Variants in POLR3G observed in about 807,000 individuals in gnomAD.
POLR3G encodes the protein DNA-directed RNA polymerase III subunit RPC7.
Under a neutral mutation model 30.1 loss-of-function variants are expected in POLR3G, and 28 were observed. The observed-to-expected ratio is 0.93, with a 90% CI of 0.69 to 1.27. The LOEUF (loss-of-function observed/expected upper bound fraction) is 1.27. Among genes scored for constraint, POLR3G ranks in the 50% most tolerant of loss-of-function variants. The pLI is 0.00. For missense variants in POLR3G, 254 were observed against 264.6 expected (o/e 0.96, Z 0.28); for synonymous variants, 79 against 82.5 (o/e 0.96, Z 0.23).
intron 6 of POLR3G, among the ~76,000 whole-genome samples, chr5:90,503,483 A>AATT (rs1752349253): frequency 6.6e-6 from 1 of 152,172 alleles, no homozygotes. Context: ...GCTATTCTAA[A>AATT]AGCTTCCTGG....
At chr5:90,487,378 A>ATTTTTTTTTTTTTTTTTTTTTTTTT (rs59951999) in intron 2 of POLR3G, among the ~76,000 whole-genome samples, 1 of 57,020 alleles carries the variant, frequency 1.8e-5, no homozygotes, top group African/African-American at 7.9e-5. Flanking sequence ...TGGTACATTA[A>ATTTTTTTTTTTTTTTTTTTTTTTTT]TTTTTTTTTT....
chr5:90,475,834 C>T (rs1750782419), intron 1 of POLR3G, among the ~76,000 whole-genome samples: 1 of 152,194 alleles, frequency 6.6e-6, no homozygotes, highest in African/African-American at 2.4e-5. Flanking sequence ...GCTTCAGCCT[C>T]CCGAGGAGCT....
chr5:90,475,357 G>T (rs1003498030), intron 1 of POLR3G, among the ~76,000 whole-genome samples: 3 of 152,064 alleles, frequency 2.0e-5, no homozygotes, highest in Non-Finnish European at 4.4e-5. Flanking sequence ...TTGCAGCTGA[G>T]GACCGACTAT....
At chr5:90,489,009 A>C (rs956929951) in intron 3 of POLR3G, among the ~76,000 whole-genome samples, 1 of 152,178 alleles carries the variant, frequency 6.6e-6, no homozygotes, top group African/African-American at 2.4e-5. Context: ...TCTCAAAACA[A>C]CATCATTAAA....
chr5:90,474,547 G>A (rs1007079674), upstream of POLR3G: 8 of 516,466 alleles, frequency 1.5e-5, no homozygotes, highest in Non-Finnish European at 2.7e-5. Flanking sequence ...CCAGCACGGG[G>A]GCGCAGGAGC....
At chr5:90,490,191 C>T (rs1035889596) in intron 3 of POLR3G, among the ~76,000 whole-genome samples, 1 of 150,044 alleles carries the variant, frequency 6.7e-6, no homozygotes, top group African/African-American at 2.5e-5. Context: ...TGTTGTTGGT[C>T]TATGGGAGTG....
At chr5:90,474,320 T>C, upstream of POLR3G, 1 of 1,602,366 alleles carries the variant, frequency 6.2e-7, no homozygotes, top group Non-Finnish European at 8.5e-7. Context: ...CCAGGCGGGG[T>C]GAGTGTGGGC....
chr5:90,487,378 A>ATTTTTTTT lies in POLR3G; in HGVS notation c.118-600_118-593dup, dbSNP rs59951999. 9.1e-4 allele frequency among the ~76,000 whole-genome samples: 52 copies of ATTTTTTTT among 57,030 alleles called. 4 individuals carry two copies. Among genetic ancestry groups the ATTTTTTTT allele is most frequent in the African/African-American group, 2.0e-3 (25 of 12,636 alleles). 37.4% of individuals were successfully genotyped at this position (57,030 alleles called of 152,430 possible). A position where few individuals can be genotyped will look rare whatever the true frequency, so the allele number is the denominator to read the frequency against. ...TTTTCTTTTTTTTTTTGGTACATTA[A>ATTTTTTTT]TTTTTTTTTTTTTTTTTTTTTTTTT... On this transcript the variant is annotated intron_variant, in intron 2 of 7. Transcript: ENST00000651687.
chr5:90,480,228 A>C (rs910438535), intron 1 of POLR3G, among the ~76,000 whole-genome samples: 2 of 152,206 alleles, frequency 1.3e-5, no homozygotes, highest in Non-Finnish European at 2.9e-5. Context: ...GGAATGAGAC[A>C]GTGGTTAACT....
intron 1 of POLR3G, among the ~76,000 whole-genome samples, chr5:90,476,598 A>G (rs552651476): frequency 9.2e-5 from 14 of 152,278 alleles, no homozygotes; most frequent in Admixed American, 2.6e-4. Context: ...AAATGGAGTG[A>G]TATCTCTACC....
intron 1 of POLR3G, among the ~76,000 whole-genome samples, chr5:90,478,394 C>A (rs1750943804): frequency 3.3e-5 from 5 of 151,974 alleles, no homozygotes. Context: ...TTAAAAAAGT[C>A]TTCTAACCAG....
At chr5:90,488,288 A>G (rs924467893) in intron 3 of POLR3G, among the ~76,000 whole-genome samples, 159 bp downstream of exon 3, 3 of 152,210 alleles carry the variant, frequency 2.0e-5, no homozygotes, top group South Asian at 4.1e-4. Context: ...CAGAAAAAAT[A>G]CTTTAAACTT....
chr5:90,503,401 G>C (rs1752345349), intron 6 of POLR3G, among the ~76,000 whole-genome samples: 1 of 152,228 alleles, frequency 6.6e-6, no homozygotes, highest in Admixed American at 6.5e-5. Context: ...AGTGATAACT[G>C]TCAGGTTTAA....
chr5:90,492,984 A>G (rs918173347), intron 3 of POLR3G, among the ~76,000 whole-genome samples: 6 of 150,932 alleles, frequency 4.0e-5, no homozygotes, highest in Non-Finnish European at 8.8e-5. Context: ...TGCATTTATA[A>G]TCTGAAATTA....
chr5:90,485,863 C>G (rs1180651375), intron 2 of POLR3G, among the ~76,000 whole-genome samples, 179 bp downstream of exon 2: 1 of 152,034 alleles, frequency 6.6e-6, no homozygotes, highest in Admixed American at 6.6e-5. Context: ...ATATAGAAAA[C>G]AAAACTGTAT....
At chr5:90,510,878 A>T (rs1752705983) in intron 7 of POLR3G, among the ~76,000 whole-genome samples, 2 of 152,270 alleles carry the variant, frequency 1.3e-5, no homozygotes, top group South Asian at 4.1e-4. Context: ...TAAAAAAAAA[A>T]AAAAACTTTG....
chr5:90,478,366 A>T (rs1203848113), intron 1 of POLR3G, among the ~76,000 whole-genome samples: 1 of 152,084 alleles, frequency 6.6e-6, no homozygotes, highest in Non-Finnish European at 1.5e-5. Context: ...ACTTCATTGA[A>T]TAAAGACCTC....
chr5:90,509,503 C>A (rs1752639151), intron 7 of POLR3G, among the ~76,000 whole-genome samples: 1 of 152,160 alleles, frequency 6.6e-6, no homozygotes, highest in African/African-American at 2.4e-5. Flanking sequence ...GTGAATAATG[C>A]TGTGATACAG....
chr5:90,476,828 AAG>A (rs1750849617), intron 1 of POLR3G, among the ~76,000 whole-genome samples: 1 of 152,200 alleles, frequency 6.6e-6, no homozygotes, highest in East Asian at 1.9e-4. Flanking sequence ...ATCACCAAGT[AAG>A]AGAGGACTTC....
Sources: gnomAD v4.1 joint callset for allele counts (sites outside exome capture counted in the v4.1 genomes callset) on GRCh38, gnomAD v4.1.1 for gene constraint, MANE v1.5 for transcripts, NCBI Gene and HGNC (gene_info 2026-07-23, HGNC 2026-07-21) for gene names.